The following STRIP2 variants were observed in gnomAD, a reference collection of about 807,000 sequenced individuals.
STRIP2 encodes the protein striatin interacting protein 2.
In STRIP2, 84 loss-of-function variants were observed where a neutral mutation model predicts 107.1. That is an observed-to-expected ratio of 0.78 (90% CI 0.66 to 0.94). The LOEUF is 0.94. Among genes scored for constraint, STRIP2 ranks in the 40% least tolerant of loss-of-function variants. The pLI, the probability that STRIP2 is intolerant of heterozygous loss-of-function variation, is 0.00. For synonymous variants in STRIP2, 394 were observed against 400.4 expected, an observed-to-expected ratio of 0.98 and a Z score of 0.19; for missense variants, 888 against 1,034.2, an observed-to-expected ratio of 0.86 and a Z score of 1.94.
At chr7:129,479,743 C>T (rs1195137510) in intron 18 of STRIP2, among the ~76,000 whole-genome samples, 2 of 152,044 alleles carry the variant, frequency 1.3e-5, no homozygotes, top group Non-Finnish European at 2.9e-5. Context: ...CTGCCTGCCT[C>T]GGCCTCCCAA....
chr7:129,469,670 T>C (rs956117336), intron 17 of STRIP2, among the ~76,000 whole-genome samples: 2 of 152,230 alleles, frequency 1.3e-5, no homozygotes, highest in African/African-American at 4.8e-5. Context: ...CCTTCTCCTC[T>C]CCTACCCTGG....
chr7:129,480,916 G>T, intron 19 of STRIP2, 27 bp downstream of exon 19: 1 of 1,560,320 alleles, frequency 6.4e-7, no homozygotes. Flanking sequence ...ACATCATGGA[G>T]TTGTCCATCT....
chr7:129,483,206 A>G lies in STRIP2; in HGVS notation c.2254+160A>G, dbSNP rs1382918061. 2 of 1,428,206 alleles carry G rather than the reference A, an allele frequency of 1.4e-6. No individual in the cohort carries two copies. The highest frequency in any genetic ancestry group is 2.9e-5 in the African/African-American group (2 of 69,638). 88.5% of individuals were successfully genotyped at this position (1,428,206 alleles called of 1,614,324 possible). A position where few individuals can be genotyped will look rare whatever the true frequency, so the allele number is the denominator to read the frequency against. ...CGCTGATACACCAAACTTTAAGGTT[A>G]TGCCTCAAATTCTAGTATGTACCCT... On this transcript the variant is annotated intron_variant, in intron 20 of 20. Coordinates refer to ENST00000249344, the MANE Select transcript of STRIP2 (RefSeq NM_020704.3). This position sits in a 1 kb window ranked among gnomAD's most constrained non-coding sequence, Gnocchi z 5.1.
intron 18 of STRIP2, among the ~76,000 whole-genome samples, chr7:129,475,953 T>C (rs1017921208): frequency 2.0e-5 from 3 of 152,200 alleles, no homozygotes; most frequent in Admixed American, 6.5e-5. Context: ...GAGTCTCCCA[T>C]GCCCGCCTCT....
intron 20 of STRIP2, among the ~76,000 whole-genome samples, chr7:129,484,947 G>T (rs554575241): frequency 1.3e-5 from 2 of 152,228 alleles, no homozygotes; most frequent in South Asian, 2.1e-4. Flanking sequence ...AAGCGAAACA[G>T]ATTATCTGTT....
At chr7:129,464,341 C>CA (rs1798618711) in intron 15 of STRIP2, among the ~76,000 whole-genome samples, 200 bp downstream of exon 15, 1 of 151,968 alleles carries the variant, frequency 6.6e-6, no homozygotes, top group African/African-American at 2.4e-5. Context: ...TGGAGGGTGA[C>CA]ACCAGTGCCA....
chr7:129,477,141 G>C (rs965236190), intron 18 of STRIP2, among the ~76,000 whole-genome samples: 2 of 147,408 alleles, frequency 1.4e-5, no homozygotes, highest in African/African-American at 2.5e-5. Flanking sequence ...TCCAGCTTCC[G>C]CTCGGCATCA....
intron 17 of STRIP2, among the ~76,000 whole-genome samples, chr7:129,467,980 A>G (rs1249875903): frequency 6.6e-6 from 1 of 152,250 alleles, no homozygotes; most frequent in Non-Finnish European, 1.5e-5. Flanking sequence ...TTTTATTCTC[A>G]TTTTTCCAAT....
rs183726474 is a variant in STRIP2, at chr7:129,437,195, T to C, written c.129+2594T>C. 3.5e-3 allele frequency among the ~76,000 whole-genome samples: 504 copies of C among 143,468 alleles called. 2 individuals carry two copies. Among genetic ancestry groups the C allele is most frequent in the Non-Finnish European group, 4.2e-3 (280 of 66,050 alleles). 94.1% of individuals were successfully genotyped at this position (143,468 alleles called of 152,430 possible). A position where few individuals can be genotyped will look rare whatever the true frequency, so the allele number is the denominator to read the frequency against. ...GCTCATGCCTATTATCCCAGCACTT[T>C]GGGAGACTGAGGCAGGTGGGTAGCT... On this transcript the variant is annotated intron_variant, in intron 1 of 20. Coordinates refer to ENST00000249344, the MANE Select transcript of STRIP2 (RefSeq NM_020704.3).
chr7:129,443,920 C>G (rs1797967633), intron 2 of STRIP2, 104 bp from the exon 3 acceptor site: 1 of 824,070 alleles, frequency 1.2e-6, no homozygotes. Context: ...TCATTGGACA[C>G]AGGAATGTGT....
chr7:129,437,796 G>A (rs1398343419), intron 1 of STRIP2, among the ~76,000 whole-genome samples: 5 of 112,602 alleles, frequency 4.4e-5, no homozygotes, highest in East Asian at 9.9e-4. Flanking sequence ...AACATGATTC[G>A]CCTTGTTTTT....
At chr7:129,473,992 C>T (rs959809626) in intron 18 of STRIP2, among the ~76,000 whole-genome samples, 6 of 152,314 alleles carry the variant, frequency 3.9e-5, no homozygotes, top group African/African-American at 1.2e-4. Flanking sequence ...GTTGGGATTA[C>T]AGGCGTGAGC....
In STRIP2 at chr7:129,454,132, C is replaced by A; in HGVS notation, c.531-10C>A. 1 of 1,613,690 alleles carries A rather than the reference C, an allele frequency of 6.2e-7. No individual in the cohort carries two copies. Among genetic ancestry groups the A allele is most frequent in the Non-Finnish European group, 8.5e-7 (1 of 1,179,742 alleles). On this transcript the variant is annotated splice_polypyrimidine_tract_variant and intron_variant, in intron 5 of 20. Transcript: ENST00000249344. ...TATGCATTCCTGTTCTTTTTCTCCTCCCCTGGCAGCAACAGCCAGGCCTGT... is the reference window on the plus strand; with the variant it reads ...TATGCATTCCTGTTCTTTTTCTCCTACCCTGGCAGCAACAGCCAGGCCTGT...
chr7:129,473,283 C>T (rs1798836942), intron 18 of STRIP2, among the ~76,000 whole-genome samples: 1 of 152,134 alleles, frequency 6.6e-6, no homozygotes, highest in Non-Finnish European at 1.5e-5. Flanking sequence ...AAAACTAAGA[C>T]TTTATACATA....
In STRIP2 at chr7:129,467,442, CA is replaced by C; in HGVS notation, c.1874del (p.Asn625ThrfsTer44). On this transcript the variant is annotated frameshift_variant, in exon 17 of 21. Transcript: ENST00000249344. LOFTEE classifies it high-confidence loss of function. ...NQNILSYITA[K>X]NSISVLDYPC... is the part of the protein sequence containing the mutation. ...AAAATATCTTGTCATACATCACTGCCAAAAACAGGTATGAACTCTGGACAGG... is the reference window on the plus strand; with the variant it reads ...AAAATATCTTGTCATACATCACTGCCAAAACAGGTATGAACTCTGGACAGG... The C allele has an allele frequency of 1.2e-6, 2 of 1,611,508 alleles. No individual in the cohort carries two copies. Among genetic ancestry groups the C allele is most frequent in the Non-Finnish European group, 8.5e-7 (1 of 1,178,494 alleles).
At chr7:129,437,218 G>C (rs1265853422) in intron 1 of STRIP2, among the ~76,000 whole-genome samples, 1 of 32,668 alleles carries the variant, frequency 3.1e-5, no homozygotes, top group African/African-American at 6.4e-5. Flanking sequence ...CAGGTGGGTA[G>C]CTTCAGCCAG....
intron 3 of STRIP2, among the ~76,000 whole-genome samples, chr7:129,446,760 C>T (rs1798047189): frequency 6.6e-6 from 1 of 152,210 alleles, no homozygotes; most frequent in African/African-American, 2.4e-5. Flanking sequence ...CCTCATGTAA[C>T]TTACTTGTGC....
At chr7:129,476,802 A>C (rs1378414313) in intron 18 of STRIP2, among the ~76,000 whole-genome samples, 1 of 152,080 alleles carries the variant, frequency 6.6e-6, no homozygotes, top group Non-Finnish European at 1.5e-5. Flanking sequence ...CAATCTCGGC[A>C]CTTTGGGAGG....
chr7:129,456,448 G>A lies in STRIP2; in HGVS notation c.844G>A (p.Gly282Ser), dbSNP rs1460674203. ...CCTGTTTCTTCCTTAGTTTACCCTC[G>A]GTGGATTTGAGCATCTGCAGACTCT... is the stretch of plus-strand genomic sequence containing the variant. ...LLWKVVMFTL[G>S]GFEHLQTLKV... is the part of the protein sequence containing the mutation. Residue 282 changes from glycine to serine, a missense_variant, in exon 9 of 21, where the codon GGT becomes AGT. By Grantham distance (56) the Gly-to-Ser change is moderately conservative (BLOSUM62 0). Coordinates refer to ENST00000249344, the MANE Select transcript of STRIP2 (RefSeq NM_020704.3). The A allele has an allele frequency of 1.9e-5, 30 of 1,613,600 alleles. No individual in the cohort carries two copies. Among genetic ancestry groups the A allele is most frequent in the Non-Finnish European group, 2.4e-5 (28 of 1,179,894 alleles).
Sources: gnomAD v4.1 joint callset for allele counts (sites outside exome capture counted in the v4.1 genomes callset) on GRCh38, gnomAD v4.1.1 for gene constraint, Gnocchi (gnomAD v3.1) non-coding constraint, MANE v1.5 for transcripts, NCBI Gene and HGNC (gene_info 2026-07-23, HGNC 2026-07-21) for gene names.